The following ROPN1B variants were observed in gnomAD, a reference collection of about 807,000 sequenced individuals.
ROPN1B encodes ropporin-1B.
A neutral mutation model predicts 23.7 loss-of-function variants in ROPN1B; 13 were observed. The ratio of observed to expected loss-of-function variants is 0.55; its 90% CI spans 0.36 to 0.87. The LOEUF is 0.87. Among genes scored for constraint, ROPN1B ranks in the 40% least tolerant of loss-of-function variants. The pLI, the probability that ROPN1B is intolerant of heterozygous loss-of-function variation, is 0.01. For synonymous variants in ROPN1B, 67 were observed against 100.4 expected (o/e 0.67, Z 1.99); for missense variants, 183 against 249.2 (o/e 0.73, Z 1.79).
chr3:125,980,445 A>G (rs1361454012), intron 5 of ROPN1B, among the ~76,000 whole-genome samples: 1 of 152,168 alleles, frequency 6.6e-6, no homozygotes, highest in Non-Finnish European at 1.5e-5. Flanking sequence ...TGTCAGCAGG[A>G]CTGCTTTCTT....
At chr3:125,972,941 C>T (rs1489386570) in intron 3 of ROPN1B, 10 of 364,840 alleles carry the variant, frequency 2.7e-5, no homozygotes, top group Admixed American at 1.5e-4. Flanking sequence ...ACAATCGCTG[C>T]GGGCCTGGAT....
chr3:125,970,720 A>G (rs1262306260), intron 1 of ROPN1B, among the ~76,000 whole-genome samples: 1 of 152,236 alleles, frequency 6.6e-6, no homozygotes, highest in African/African-American at 2.4e-5. Context: ...AATACTTTGC[A>G]AAGTCTAAAA....
chr3:125,978,238 C>T (rs41514650), intron 5 of ROPN1B, among the ~76,000 whole-genome samples: 26 of 151,590 alleles, frequency 1.7e-4, no homozygotes, highest in African/African-American at 4.4e-4. Context: ...TCAATCAGGA[C>T]GGGAAAATCA....
At chr3:125,979,719 A>C (rs1187712773) in intron 5 of ROPN1B, among the ~76,000 whole-genome samples, 1 of 152,242 alleles carries the variant, frequency 6.6e-6, no homozygotes, top group African/African-American at 2.4e-5. Flanking sequence ...AGGCAAGCCC[A>C]GAGTTTCTCT....
intron 6 of ROPN1B, among the ~76,000 whole-genome samples, chr3:125,982,664 G>T (rs1186741149): frequency 1.3e-5 from 2 of 152,210 alleles, no homozygotes; most frequent in African/African-American, 4.8e-5. Context: ...TAGCAGTAGC[G>T]GCAGCGGCAC....
At chr3:125,979,553 A>C (rs1216334640) in intron 5 of ROPN1B, among the ~76,000 whole-genome samples, 3 of 152,134 alleles carry the variant, frequency 2.0e-5, no homozygotes, top group East Asian at 1.9e-4. Flanking sequence ...ATCTGCTGGC[A>C]CCTTGGTCTT....
intron 3 of ROPN1B, among the ~76,000 whole-genome samples, chr3:125,974,643 C>A (rs1007345395): frequency 6.6e-6 from 1 of 152,220 alleles, no homozygotes; most frequent in African/African-American, 2.4e-5. Flanking sequence ...TGTCCATTCC[C>A]TGCTGCAGGC....
chr3:125,982,199 T>C (rs1401851733), intron 5 of ROPN1B, 71 bp from the exon 6 acceptor site: 1 of 1,321,962 alleles, frequency 7.6e-7, no homozygotes, highest in Non-Finnish European at 1.0e-6. Flanking sequence ...TTTTCTTTCT[T>C]GTATCTAAAT....
chr3:125,973,858 C>T (rs925879940), intron 3 of ROPN1B: 16 of 153,570 alleles, frequency 1.0e-4, no homozygotes, highest in South Asian at 2.1e-4. Flanking sequence ...AGACAAAATA[C>T]GTTTTTAATC....
Position 125,972,187 on chromosome 3 carries a change from C to T in ROPN1B, c.116+17C>T. 6.2e-7 allele frequency: 1 copy of T among 1,613,396 alleles called. No homozygotes were observed. The highest frequency in any genetic ancestry group is 8.5e-7 in the Non-Finnish European group (1 of 1,179,316). ...GGGGGCCGAGTACGTGCTCCTTTCT[C>T]GCCTTCATCTCTTGGAGGACGGGCG... On this transcript the variant is annotated intron_variant, in intron 3 of 6. Transcript: ENST00000514116.
intron 3 of ROPN1B, chr3:125,973,120 G>T (rs1235010737): frequency 2.9e-6 from 1 of 343,266 alleles, no homozygotes; most frequent in East Asian, 8.0e-5. Context: ...GCTTAGGAGG[G>T]TTTCAGTGGG....
At chr3:125,974,136 G>A (rs1202849903) in intron 3 of ROPN1B, among the ~76,000 whole-genome samples, 2 of 152,076 alleles carry the variant, frequency 1.3e-5, no homozygotes, top group Admixed American at 6.5e-5. Context: ...TACTCTACCC[G>A]GGCAGCACTT....
chr3:125,981,443 T>C (rs1054992451), intron 5 of ROPN1B, among the ~76,000 whole-genome samples: 15 of 151,984 alleles, frequency 9.9e-5, no homozygotes, highest in Non-Finnish European at 1.5e-4. Context: ...CCTGGAAGAG[T>C]GTGTCAGGAT....
Position 125,983,360 on chromosome 3 carries a change from G to A in ROPN1B, c.*40G>A, listed in dbSNP as rs753371685. On this transcript the variant is annotated 3_prime_UTR_variant, in exon 7 of 7. Coordinates refer to ENST00000514116, the MANE Select transcript of ROPN1B (RefSeq NM_001308313.2). ...CAATTTTAAAGGAAGATACAGAGGTGATTGTACTTCAGAATGATAAACCCA... is the reference window on the plus strand; with the variant it reads ...CAATTTTAAAGGAAGATACAGAGGTAATTGTACTTCAGAATGATAAACCCA... 2.1e-6 allele frequency: 3 copies of A among 1,396,874 alleles called. No homozygotes were observed. Among genetic ancestry groups the A allele is most frequent in the East Asian group, 4.6e-5 (2 of 43,804 alleles). 86.5% of individuals were successfully genotyped at this position (1,396,874 alleles called of 1,614,324 possible). A position where few individuals can be genotyped will look rare whatever the true frequency, so the allele number is the denominator to read the frequency against.
chr3:125,974,618 CAT>C (rs1409719597), intron 3 of ROPN1B, among the ~76,000 whole-genome samples: 1 of 152,342 alleles, frequency 6.6e-6, no homozygotes, highest in East Asian at 1.9e-4. Context: ...TGGTGACCCA[CAT>C]GTCAGCGGCT....
At chr3:125,970,115 G>A (rs1372933404) in intron 1 of ROPN1B, 4 of 150,078 alleles carry the variant, frequency 2.7e-5, no homozygotes, top group African/African-American at 4.9e-5. Flanking sequence ...TTTGCTGGGG[G>A]AGACACATGT....
intron 5 of ROPN1B, chr3:125,977,556 C>T: frequency 3.6e-6 from 1 of 281,238 alleles, no homozygotes; most frequent in Non-Finnish European, 6.9e-6. Flanking sequence ...AAAAGGGGTA[C>T]AATCTTATAG....
At chr3:125,974,958 G>C (rs1938351315) in intron 3 of ROPN1B, among the ~76,000 whole-genome samples, 1 of 152,092 alleles carries the variant, frequency 6.6e-6, no homozygotes, top group Admixed American at 6.5e-5. Flanking sequence ...ACCCCAGGAT[G>C]CTTCCATCTC....
rs1938673975 is a variant in ROPN1B, at chr3:125,983,293, C to T, written c.612C>T (p.Thr204=). Residue 204 remains threonine, a synonymous_variant, in exon 7 of 7, where the codon ACC becomes ACT. Coordinates refer to ENST00000514116, the MANE Select transcript of ROPN1B (RefSeq NM_001308313.2). ...GTTTAATCACGGTGAATGACTTTAC[C>T]CAAAACCCCAGGGTTTGGCTGGAGT... ...PDGLITVNDF[T]QNPRVWLE is the part of the protein sequence containing the mutation. 6.2e-7 allele frequency: 1 copy of T among 1,613,550 alleles called. No homozygotes were observed. The highest frequency in any genetic ancestry group is 1.3e-5 in the African/African-American group (1 of 74,950).
Sources: gnomAD v4.1 joint callset for allele counts (sites outside exome capture counted in the v4.1 genomes callset) on GRCh38, gnomAD v4.1.1 for gene constraint, MANE v1.5 for transcripts, NCBI Gene and HGNC (gene_info 2026-07-23, HGNC 2026-07-21) for gene names.